TRHDE: variants seen among roughly 807,000 people sequenced by gnomAD.
TRHDE encodes thyrotropin releasing hormone degrading enzyme.
A neutral mutation model predicts 125.7 loss-of-function variants in TRHDE; 72 were observed. The observed-to-expected ratio is 0.57, with a 90% CI of 0.47 to 0.70. The LOEUF is 0.70. Ranked by LOEUF, TRHDE falls within the 30% of genes least tolerant of loss-of-function variation. The pLI, the probability that TRHDE is intolerant of heterozygous loss-of-function variation, is 0.00. For missense variants in TRHDE, 1,110 were observed against 1,327.1 expected, an observed-to-expected ratio of 0.84 and a Z score of 2.54; for synonymous variants, 509 against 509.1, an observed-to-expected ratio of 1.00 and a Z score of 0.00.
intron 5 of TRHDE, among the ~76,000 whole-genome samples, chr12:72,476,640 C>T (rs957924497): frequency 1.3e-5 from 2 of 152,162 alleles, no homozygotes; most frequent in African/African-American, 4.8e-5. Flanking sequence ...GGAAGTTGAC[C>T]TCTTTTGCCA....
chr12:72,329,177 C>T (rs756526141), intron 2 of TRHDE, among the ~76,000 whole-genome samples: 1 of 152,096 alleles, frequency 6.6e-6, no homozygotes. Flanking sequence ...CAGTGATTAT[C>T]GTATATTGTC....
intron 3 of TRHDE, among the ~76,000 whole-genome samples, chr12:72,418,669 C>T (rs1330420789): frequency 1.3e-5 from 2 of 152,044 alleles, no homozygotes; most frequent in Non-Finnish European, 2.9e-5. Context: ...CAGCTTTCAT[C>T]GGAGGTACTC....
At chr12:72,411,044 T>C (rs975582308) in intron 3 of TRHDE, among the ~76,000 whole-genome samples, 2 of 150,856 alleles carry the variant, frequency 1.3e-5, no homozygotes, top group Admixed American at 1.3e-4. Flanking sequence ...TACAAAAAAA[T>C]ACAAAAAAAT....
chr12:72,645,638 G>A (rs994917380), intron 15 of TRHDE, among the ~76,000 whole-genome samples: 22 of 152,008 alleles, frequency 1.4e-4, no homozygotes, highest in Non-Finnish European at 2.4e-4. Flanking sequence ...ACCCCAAATA[G>A]TGACCCTAAG....
chr12:72,147,126 G>GGGGTGT (rs1405136731), intron 2 of TRHDE, among the ~76,000 whole-genome samples: 2 of 152,046 alleles, frequency 1.3e-5, no homozygotes, highest in Non-Finnish European at 2.9e-5. Flanking sequence ...GGCAAAATAG[G>GGGGTGT]GGGTGTGGTG....
chr12:72,292,534 AAT>A (rs1333610579), intron 2 of TRHDE, among the ~76,000 whole-genome samples: 3 of 152,210 alleles, frequency 2.0e-5, no homozygotes, highest in Admixed American at 6.5e-5. Context: ...ATAGCTAGAA[AAT>A]ATAGTTCAGT....
chr12:72,167,861 T>C (rs576142924), intron 2 of TRHDE, among the ~76,000 whole-genome samples: 1 of 152,334 alleles, frequency 6.6e-6, no homozygotes, highest in Admixed American at 6.5e-5. Context: ...TAGGCTCTGC[T>C]TGTTCAGAGG....
At chr12:72,366,042 T>G (rs970050317) in intron 2 of TRHDE, among the ~76,000 whole-genome samples, 5 of 152,140 alleles carry the variant, frequency 3.3e-5, no homozygotes, top group Non-Finnish European at 5.9e-5. Flanking sequence ...TCGTATTGCC[T>G]TCTCCTCTTC....
chr12:72,479,910 G>A (rs1351258163), intron 5 of TRHDE, among the ~76,000 whole-genome samples: 2 of 151,514 alleles, frequency 1.3e-5, no homozygotes, highest in South Asian at 4.2e-4. Flanking sequence ...AGAACATGCG[G>A]TGTTTGGTTT....
chr12:72,200,872 AG>A (rs34940000), intron 2 of TRHDE, among the ~76,000 whole-genome samples: 6,691 of 152,276 alleles, frequency 0.044, 206 homozygotes, highest in South Asian at 0.11. Flanking sequence ...AAGTGTGCAA[AG>A]GCAGGGCACC....
intron 2 of TRHDE, among the ~76,000 whole-genome samples, chr12:72,235,692 T>C (rs190019992): frequency 3.3e-5 from 5 of 152,310 alleles, no homozygotes; most frequent in Admixed American, 3.3e-4. Context: ...GTTAACTATG[T>C]ATGTGATTTC....
intron 15 of TRHDE, among the ~76,000 whole-genome samples, chr12:72,638,220 A>C (rs1873855536): frequency 6.7e-6 from 1 of 148,502 alleles, no homozygotes; most frequent in Non-Finnish European, 1.5e-5. Context: ...TAGGATAGTT[A>C]GCTCTTCTTG....
intron 3 of TRHDE, among the ~76,000 whole-genome samples, chr12:72,408,492 C>CT (rs1270700891): frequency 2.0e-5 from 3 of 152,218 alleles, no homozygotes; most frequent in South Asian, 4.2e-4. Flanking sequence ...AGGAAAATGA[C>CT]TAATGGGCAC....
chr12:72,122,296 T>C (rs1426553174), intron 2 of TRHDE, among the ~76,000 whole-genome samples: 1 of 152,224 alleles, frequency 6.6e-6, no homozygotes, highest in East Asian at 1.9e-4. Flanking sequence ...ATTCATCATG[T>C]TTCTTGCCTG....
At chr12:72,390,461 A>C (rs928222789) in intron 3 of TRHDE, among the ~76,000 whole-genome samples, 5 of 152,212 alleles carry the variant, frequency 3.3e-5, no homozygotes, top group Admixed American at 6.5e-5. Flanking sequence ...CATTCTCATA[A>C]ACCTTAGAGC....
intron 7 of TRHDE, among the ~76,000 whole-genome samples, chr12:72,544,411 G>A (rs1004299784): frequency 6.6e-6 from 1 of 151,614 alleles, no homozygotes; most frequent in Non-Finnish European, 1.5e-5. Flanking sequence ...ACTTATCTCT[G>A]CTGGAAAACC....
intron 3 of TRHDE, among the ~76,000 whole-genome samples, chr12:72,414,268 C>T (rs1235327391): frequency 6.6e-6 from 1 of 151,924 alleles, no homozygotes; most frequent in Non-Finnish European, 1.5e-5. Context: ...AAACTAGTTA[C>T]TTTATAAATT....
intron 12 of TRHDE, among the ~76,000 whole-genome samples, chr12:72,615,392 T>C (rs916663360): frequency 6.6e-6 from 1 of 152,192 alleles, no homozygotes; most frequent in Non-Finnish European, 1.5e-5. Context: ...GCTAATGTAG[T>C]GTTTCATTCA....
chr12:72,285,667 T>G (rs1592519440), intron 1 of TRHDE, among the ~76,000 whole-genome samples: 1 of 151,850 alleles, frequency 6.6e-6, no homozygotes, highest in Non-Finnish European at 1.5e-5. Flanking sequence ...ACTACAGGCA[T>G]GCGCTACCAT....
Sources: gnomAD v4.1 joint callset for allele counts (sites outside exome capture counted in the v4.1 genomes callset) on GRCh38, gnomAD v4.1.1 for gene constraint, MANE v1.5 for transcripts, NCBI Gene and HGNC (gene_info 2026-07-23, HGNC 2026-07-21) for gene names.